Variants in RASGRF2 observed in about 807,000 individuals in gnomAD.
RASGRF2 encodes the protein ras-specific guanine nucleotide-releasing factor 2.
A neutral mutation model predicts 151.0 loss-of-function variants in RASGRF2; 76 were observed. That is an observed-to-expected ratio of 0.50 (90% CI 0.42 to 0.61). RASGRF2 has a LOEUF of 0.61. RASGRF2 is among the 20% of genes least tolerant of loss of function. The pLI is 0.00. For missense variants in RASGRF2, 1,148 were observed against 1,564.6 expected, an observed-to-expected ratio of 0.73 and a Z score of 4.49; for synonymous variants, 504 against 566.5, an observed-to-expected ratio of 0.89 and a Z score of 1.57.
In RASGRF2 at chr5:81,148,867, C is replaced by A. The variant is rs187908020; in HGVS notation, c.2686+21704C>A. 2.1e-3 allele frequency among the ~76,000 whole-genome samples: 313 copies of A among 151,978 alleles called. 1 individual carries two copies. Among genetic ancestry groups the A allele is most frequent in the African/African-American group, 7.4e-3 (308 of 41,500 alleles). Reference sequence around the variant, plus strand: ...AAATAAGAAGAAGATATACAATCAACAAACATACCAAAAAATGCTTAACCT... The same window carrying A: ...AAATAAGAAGAAGATATACAATCAAAAAACATACCAAAAAATGCTTAACCT... On this transcript the variant is annotated intron_variant, in intron 17 of 26. Coordinates refer to ENST00000265080, the MANE Select transcript of RASGRF2 (RefSeq NM_006909.3).
chr5:81,086,005 G>T, intron 8 of RASGRF2, 94 bp downstream of exon 8: 1 of 1,528,022 alleles, frequency 6.5e-7, no homozygotes, highest in Non-Finnish European at 8.8e-7. Context: ...GGAACAAGAA[G>T]CAAAACAAAT....
chr5:81,087,464 T>C, intron 9 of RASGRF2: 2 of 632,822 alleles, frequency 3.2e-6, no homozygotes, highest in Non-Finnish European at 2.9e-6. Context: ...CCAGATGAAA[T>C]GTCTCTGATG....
chr5:81,147,334 A>G (rs968871551), intron 17 of RASGRF2, among the ~76,000 whole-genome samples: 10 of 152,124 alleles, frequency 6.6e-5, no homozygotes, highest in African/African-American at 2.4e-4. Flanking sequence ...CTTTATGGGT[A>G]TGCATTTCGT....
chr5:81,108,999 G>A lies in RASGRF2; in HGVS notation c.1759G>A (p.Val587Met), dbSNP rs1752923089. 1 of 1,607,952 alleles carries A rather than the reference G, an allele frequency of 6.2e-7. No homozygotes were observed. The highest frequency in any genetic ancestry group is 1.1e-5 in the South Asian group (1 of 90,592). ...TTGTCAACTTTTTATTTCACAGTGT[G>A]TGGACAATATACGATGTAATGGTTT... ...AAWMSDISQC[V>M]DNIRCNGLMT... Residue 587 changes from valine to methionine, a missense_variant, in exon 13 of 27, where the codon GTG becomes ATG. Physicochemically the swap from Val to Met is conservative, Grantham distance 21. Coordinates refer to ENST00000265080, the MANE Select transcript of RASGRF2 (RefSeq NM_006909.3).
chr5:81,011,182 A>G (rs1749446495), intron 1 of RASGRF2, among the ~76,000 whole-genome samples: 1 of 151,970 alleles, frequency 6.6e-6, no homozygotes. Flanking sequence ...TTTTATGAAT[A>G]CTTTTTCATA....
chr5:81,164,920 G>A (rs1389106929), intron 17 of RASGRF2, among the ~76,000 whole-genome samples: 2 of 152,208 alleles, frequency 1.3e-5, no homozygotes, highest in African/African-American at 4.8e-5. Flanking sequence ...TGTGTTGAAA[G>A]TTTTCAACAT....
At chr5:81,017,418 C>G (rs1749673847) in intron 1 of RASGRF2, among the ~76,000 whole-genome samples, 1 of 152,200 alleles carries the variant, frequency 6.6e-6, no homozygotes, top group African/African-American at 2.4e-5. Context: ...CACACTTGGC[C>G]TGCTCAATGC....
chr5:81,109,116 G>C, intron 13 of RASGRF2, 38 bp downstream of exon 13: 1 of 1,583,920 alleles, frequency 6.3e-7, no homozygotes, highest in South Asian at 1.1e-5. Flanking sequence ...TTTTAATCAA[G>C]ATTAAATTGG....
intron 1 of RASGRF2, among the ~76,000 whole-genome samples, chr5:81,032,506 A>T (rs1427931595): frequency 1.3e-5 from 2 of 152,210 alleles, no homozygotes; most frequent in Admixed American, 6.5e-5. Context: ...GCAAATCAAT[A>T]AACGTAATCC....
intron 18 of RASGRF2, among the ~76,000 whole-genome samples, chr5:81,200,799 G>A (rs1755370646): frequency 1.3e-5 from 2 of 152,202 alleles, no homozygotes; most frequent in African/African-American, 4.8e-5. Flanking sequence ...TCCAGGGAGA[G>A]TGCATATCAT....
chr5:81,058,655 T>C (rs1287122862), intron 2 of RASGRF2, among the ~76,000 whole-genome samples: 1 of 151,822 alleles, frequency 6.6e-6, no homozygotes, highest in African/African-American at 2.4e-5. Context: ...CACAAACAAT[T>C]GGCCATGTGT....
intron 12 of RASGRF2, among the ~76,000 whole-genome samples, chr5:81,100,484 G>A (rs1409017994): frequency 1.3e-5 from 2 of 152,160 alleles, no homozygotes; most frequent in African/African-American, 4.8e-5. Flanking sequence ...ATAATTAACT[G>A]TTGGCGCCTC....
At chr5:81,009,955 G>T (rs865787600) in intron 1 of RASGRF2, among the ~76,000 whole-genome samples, 37 of 152,128 alleles carry the variant, frequency 2.4e-4, no homozygotes, top group African/African-American at 8.2e-4. Context: ...TCAGGAGTTC[G>T]AGAGCAGCCT....
At chr5:81,075,255 G>A (rs149519271) in intron 5 of RASGRF2, among the ~76,000 whole-genome samples, 10 of 152,238 alleles carry the variant, frequency 6.6e-5, no homozygotes, top group African/African-American at 1.9e-4. Flanking sequence ...CCAGTGTCAC[G>A]GAATTTACCA....
At chr5:81,224,178 A>G (rs1412167951) in intron 26 of RASGRF2, among the ~76,000 whole-genome samples, 1 of 152,252 alleles carries the variant, frequency 6.6e-6, no homozygotes, top group Admixed American at 6.5e-5. Flanking sequence ...TAGAAGAAAA[A>G]AAATGACCAA....
chr5:80,989,532 A>G (rs1206377066), intron 1 of RASGRF2, among the ~76,000 whole-genome samples: 1 of 152,188 alleles, frequency 6.6e-6, no homozygotes, highest in Non-Finnish European at 1.5e-5. Context: ...GGAATTCTGT[A>G]TTGGAGCAAC....
rs151276200 is a variant in RASGRF2, at chr5:80,973,922, G to A, written c.288+12896G>A. 6.7e-3 allele frequency among the ~76,000 whole-genome samples: 1,015 copies of A among 152,290 alleles called. 4 individuals are homozygous for A. Among genetic ancestry groups the A allele is most frequent in the Middle Eastern group, 0.048 (14 of 294 alleles). On this transcript the variant is annotated intron_variant, in intron 1 of 26. Coordinates refer to ENST00000265080, the MANE Select transcript of RASGRF2 (RefSeq NM_006909.3). Reference sequence around the variant, plus strand: ...GGAAACAGCTGACCAGTAATAATCCGAAAAGGTATCAACAGTGGTAAGGCA... The same window carrying A: ...GGAAACAGCTGACCAGTAATAATCCAAAAAGGTATCAACAGTGGTAAGGCA...
At chr5:81,224,167 A>G (rs1755922202) in intron 26 of RASGRF2, among the ~76,000 whole-genome samples, 1 of 152,386 alleles carries the variant, frequency 6.6e-6, no homozygotes, top group Admixed American at 6.5e-5. Context: ...TAGTTAATTC[A>G]TAGAAGAAAA....
chr5:81,172,468 TGTGTGTTTA>T (rs1487797062), intron 17 of RASGRF2, among the ~76,000 whole-genome samples: 1 of 151,546 alleles, frequency 6.6e-6, no homozygotes, highest in Non-Finnish European at 1.5e-5. Context: ...TGTGTGTGTG[TGTGTGTTTA>T]TTGTTACAGT....
Sources: gnomAD v4.1 joint callset for allele counts (sites outside exome capture counted in the v4.1 genomes callset) on GRCh38, gnomAD v4.1.1 for gene constraint, MANE v1.5 for transcripts, NCBI Gene and HGNC (gene_info 2026-07-23, HGNC 2026-07-21) for gene names.